NCALD: variants seen among roughly 807,000 people sequenced by gnomAD.
The protein encoded by NCALD is neurocalcin delta, also known as neurocalcin-delta.
Under a neutral mutation model 18.6 loss-of-function variants are expected in NCALD, and 10 were observed. That is an observed-to-expected ratio of 0.54 (90% CI 0.33 to 0.91). The LOEUF (loss-of-function observed/expected upper bound fraction) is 0.91, where lower values mean the gene tolerates loss of function less well. Ranked by LOEUF, NCALD falls within the 40% of genes least tolerant of loss-of-function variation. The pLI is 0.03. For missense variants in NCALD, 184 were observed against 247.6 expected (o/e 0.74, Z 1.72); for synonymous variants, 88 against 87.4 (o/e 1.01, Z -0.04).
chr8:102,052,400 G>C (rs948390806), intron 1 of NCALD, among the ~76,000 whole-genome samples: 9 of 152,148 alleles, frequency 5.9e-5, no homozygotes, highest in African/African-American at 1.9e-4. Context: ...GCTCCCTCTT[G>C]ACTGCCTGGA....
chr8:102,034,515 C>T (rs1822793658), intron 1 of NCALD, among the ~76,000 whole-genome samples: 1 of 152,180 alleles, frequency 6.6e-6, no homozygotes, highest in Non-Finnish European at 1.5e-5. Flanking sequence ...AATTCATATT[C>T]ATCCTTATAC....
At chr8:101,731,289 G>C (rs1252699741) in intron 1 of NCALD, among the ~76,000 whole-genome samples, 1 of 152,146 alleles carries the variant, frequency 6.6e-6, no homozygotes, top group East Asian at 1.9e-4. Context: ...GGGACTTTCA[G>C]CTTTCACTCT....
intron 1 of NCALD, among the ~76,000 whole-genome samples, chr8:102,087,408 C>A (rs945673609): frequency 2.0e-5 from 3 of 152,106 alleles, no homozygotes; most frequent in Non-Finnish European, 4.4e-5. Flanking sequence ...GATTGGCCGG[C>A]TTTGGGTAAG....
intron 4 of NCALD, among the ~76,000 whole-genome samples, chr8:101,861,674 C>T (rs1296179482): frequency 6.6e-6 from 1 of 152,076 alleles, no homozygotes; most frequent in African/African-American, 2.4e-5. Flanking sequence ...TTAGACAGCT[C>T]TGTGTTGAGC....
intron 2 of NCALD, among the ~76,000 whole-genome samples, chr8:101,710,137 G>A (rs1408306771): frequency 6.6e-6 from 1 of 152,204 alleles, no homozygotes; most frequent in African/African-American, 2.4e-5. Flanking sequence ...AGCAGAAGCA[G>A]GGTGGGCTGT....
At chr8:102,074,057 G>A (rs1185973305) in intron 1 of NCALD, among the ~76,000 whole-genome samples, 4 of 152,122 alleles carry the variant, frequency 2.6e-5, no homozygotes, top group Non-Finnish European at 4.4e-5. Context: ...TTTCAGGAAC[G>A]TTCCTACCAC....
In NCALD at chr8:102,103,566, T is replaced by C. The variant is rs117643338; in HGVS notation, c.-210+20671A>G. Reference sequence around the variant, plus strand: ...TTTTCTTTTCTTCTCTTTTCTTTCTTTTTTTTGAGACATGGTCTTACTATG... The same window carrying C: ...TTTTCTTTTCTTCTCTTTTCTTTCTCTTTTTTGAGACATGGTCTTACTATG... On this transcript the variant is annotated intron_variant, in intron 1 of 6. Transcript: ENST00000311028. Among the ~76,000 whole-genome samples, 136 of 152,206 alleles carry C rather than the reference T, an allele frequency of 8.9e-4. 1 individual carries two copies. The East Asian group carries it at 9.3e-3, about 10-fold the overall frequency.
chr8:101,736,188 G>GT (rs1809907032), intron 1 of NCALD, among the ~76,000 whole-genome samples: 1 of 152,164 alleles, frequency 6.6e-6, no homozygotes, highest in Non-Finnish European at 1.5e-5. Flanking sequence ...CTTGGGACTA[G>GT]TTTGGTAGGC....
At chr8:102,026,962 G>T (rs552896722) in intron 1 of NCALD, among the ~76,000 whole-genome samples, 76 of 152,354 alleles carry the variant, frequency 5.0e-4, no homozygotes, top group Non-Finnish European at 9.4e-4. Context: ...TGAAACAACA[G>T]TCTGAGCTGT....
chr8:101,876,121 G>C (rs1816217070), intron 4 of NCALD, among the ~76,000 whole-genome samples: 4 of 152,128 alleles, frequency 2.6e-5, no homozygotes, highest in Admixed American at 2.0e-4. Flanking sequence ...TGTGGAGAAA[G>C]AAAAAGGGAA....
intron 3 of NCALD, chr8:101,915,446 C>T (rs1000903182): frequency 1.3e-5 from 2 of 152,134 alleles, no homozygotes; most frequent in African/African-American, 4.8e-5. Flanking sequence ...GAATATGACC[C>T]AATTTAACAT....
intron 3 of NCALD, among the ~76,000 whole-genome samples, chr8:101,897,593 C>T (rs1288053246): frequency 6.6e-6 from 1 of 152,036 alleles, no homozygotes; most frequent in South Asian, 2.1e-4. Context: ...CAGTGTTGGG[C>T]TATTAAAAAT....
At chr8:101,697,108 G>A (rs1318003597) in intron 2 of NCALD, among the ~76,000 whole-genome samples, 3 of 150,134 alleles carry the variant, frequency 2.0e-5, no homozygotes, top group Admixed American at 6.6e-5. Context: ...AATGATAAAG[G>A]GTATATCACC....
At chr8:102,029,863 A>T (rs1822606183) in intron 1 of NCALD, among the ~76,000 whole-genome samples, 1 of 152,222 alleles carries the variant, frequency 6.6e-6, no homozygotes, top group African/African-American at 2.4e-5. Context: ...TCTCACATTT[A>T]ATAAGATTAA....
At chr8:102,077,327 G>A (rs1271176158) in intron 1 of NCALD, among the ~76,000 whole-genome samples, 6 of 152,162 alleles carry the variant, frequency 3.9e-5, no homozygotes, top group Non-Finnish European at 7.4e-5. Flanking sequence ...TACGGAGGCC[G>A]CATTGTGTCC....
At chr8:101,968,733 TAA>T (rs200846417) in intron 2 of NCALD, among the ~76,000 whole-genome samples, 1 of 149,210 alleles carries the variant, frequency 6.7e-6, no homozygotes, top group African/African-American at 2.5e-5. Flanking sequence ...CACTCTCCTG[TAA>T]AAAAAAAATG....
intron 1 of NCALD, among the ~76,000 whole-genome samples, chr8:101,743,218 C>G (rs1810287626): frequency 6.6e-6 from 1 of 152,128 alleles, no homozygotes; most frequent in African/African-American, 2.4e-5. Context: ...ATTCCATCTC[C>G]CTTTCAGTTA....
chr8:101,828,237 C>A (rs566726558), intron 4 of NCALD, among the ~76,000 whole-genome samples: 2 of 152,144 alleles, frequency 1.3e-5, no homozygotes, highest in Non-Finnish European at 2.9e-5. Context: ...ATGGAAGGAA[C>A]CCTCCAGGGA....
upstream of NCALD, among the ~76,000 whole-genome samples, chr8:101,795,579 T>A (rs1563777575): frequency 1.3e-5 from 2 of 152,184 alleles, no homozygotes; most frequent in Non-Finnish European, 2.9e-5. Context: ...GCACTACCCT[T>A]ATGATCTAAC....
Sources: gnomAD v4.1 joint callset for allele counts (sites outside exome capture counted in the v4.1 genomes callset) on GRCh38, gnomAD v4.1.1 for gene constraint, MANE v1.5 for transcripts, NCBI Gene and HGNC (gene_info 2026-07-23, HGNC 2026-07-21) for gene names.